CFAP61: variants seen among roughly 807,000 people sequenced by gnomAD.
The protein encoded by CFAP61 is cilia and flagella associated protein 61, also known as cilia- and flagella-associated protein 61.
A neutral mutation model predicts 135.6 loss-of-function variants in CFAP61; 107 were observed. The ratio of observed to expected loss-of-function variants is 0.79; its 90% CI spans 0.67 to 0.93. The LOEUF (loss-of-function observed/expected upper bound fraction) is 0.93, where lower values mean the gene tolerates loss of function less well. Ranked by LOEUF, CFAP61 falls within the 40% of genes least tolerant of loss-of-function variation. The probability of loss-of-function intolerance (pLI) is 0.00; values close to 1 mark genes in which losing one functional copy is unlikely to be tolerated. For synonymous variants in CFAP61, 575 were observed against 578.5 expected, an observed-to-expected ratio of 0.99 and a Z score of 0.09; for missense variants, 1,507 against 1,556.2, an observed-to-expected ratio of 0.97 and a Z score of 0.53.
At chr20:20,233,355 G>A (rs150618066) in intron 18 of CFAP61, among the ~76,000 whole-genome samples, 3 of 152,296 alleles carry the variant, frequency 2.0e-5, no homozygotes, top group Non-Finnish European at 2.9e-5. Flanking sequence ...CCGTCCTGTC[G>A]GTCTCTGCAC....
intron 13 of CFAP61, among the ~76,000 whole-genome samples, chr20:20,174,019 C>G (rs536534584): frequency 1.3e-5 from 2 of 152,244 alleles, no homozygotes; most frequent in Admixed American, 1.3e-4. Context: ...CCACACTTGT[C>G]TGGGAATTAG....
chr20:20,161,258 G>A (rs986970291), intron 10 of CFAP61, among the ~76,000 whole-genome samples: 45 of 152,042 alleles, frequency 3.0e-4, no homozygotes, highest in Admixed American at 2.9e-3. Context: ...GTGGTTGGAG[G>A]GACAGGATGC....
At chr20:20,123,584 A>G (rs1323551336) in intron 8 of CFAP61, among the ~76,000 whole-genome samples, 2 of 151,592 alleles carry the variant, frequency 1.3e-5, no homozygotes, top group Non-Finnish European at 2.9e-5. Flanking sequence ...TGGGTTCTCT[A>G]TTCTGTTCCA....
intron 25 of CFAP61, chr20:20,323,305 C>A (rs1026990805): frequency 4.1e-6 from 4 of 985,218 alleles, no homozygotes; most frequent in Non-Finnish European, 4.8e-6. Context: ...AATTTTCAGG[C>A]CTTCAAAAGA....
At chr20:20,351,344 G>A (rs753301611) in intron 26 of CFAP61, among the ~76,000 whole-genome samples, 25 of 152,238 alleles carry the variant, frequency 1.6e-4, no homozygotes, top group South Asian at 2.1e-4. Flanking sequence ...ACCTTGAGAG[G>A]CCAAGGCGGG....
At chr20:20,322,722 G>A in intron 25 of CFAP61, 2 of 985,388 alleles carry the variant, frequency 2.0e-6, no homozygotes, top group Non-Finnish European at 2.4e-6. Context: ...TCTTCCTTCT[G>A]TGGCCTCTCG....
intron 17 of CFAP61, 46 bp from the exon 18 acceptor site, chr20:20,228,203 C>A: frequency 1.3e-6 from 2 of 1,574,224 alleles, no homozygotes; most frequent in Admixed American, 1.7e-5. Flanking sequence ...ATGAACACTG[C>A]TACGTTTTCT....
intron 6 of CFAP61, among the ~76,000 whole-genome samples, chr20:20,081,690 CTT>C (rs997446221): frequency 4.6e-5 from 7 of 152,102 alleles, no homozygotes; most frequent in Non-Finnish European, 7.4e-5. Flanking sequence ...CTCTTGAAAA[CTT>C]GAGTGCTATG....
chr20:20,092,753 G>A (rs914431278), intron 7 of CFAP61, among the ~76,000 whole-genome samples: 27 of 152,160 alleles, frequency 1.8e-4, no homozygotes, highest in Non-Finnish European at 3.2e-4. Flanking sequence ...AACATCATTA[G>A]TCATTAAGGA....
chr20:20,129,000 A>G (rs2077319241), intron 8 of CFAP61, among the ~76,000 whole-genome samples: 1 of 151,490 alleles, frequency 6.6e-6, no homozygotes, highest in South Asian at 2.1e-4. Flanking sequence ...AACTATTATT[A>G]TAATTGTTAT....
intron 13 of CFAP61, among the ~76,000 whole-genome samples, chr20:20,181,203 ATGTATATATACATATG>A (rs2055054950): frequency 1.4e-5 from 2 of 138,290 alleles, no homozygotes; most frequent in South Asian, 2.4e-4. Context: ...ATGTATATAT[ATGTATATATACATATG>A]TGTATATATA....
chr20:20,358,564 C>A (rs982273215), intron 26 of CFAP61, among the ~76,000 whole-genome samples: 3 of 152,128 alleles, frequency 2.0e-5, no homozygotes, highest in African/African-American at 2.4e-5. Flanking sequence ...ATCCACGAGG[C>A]CTTACTGGTG....
At chr20:20,352,546 A>G (rs1569326674) in intron 26 of CFAP61, among the ~76,000 whole-genome samples, 1 of 152,240 alleles carries the variant, frequency 6.6e-6, no homozygotes, top group African/African-American at 2.4e-5. Context: ...TTTACAGGCA[A>G]TTGATTTTTG....
intron 8 of CFAP61, among the ~76,000 whole-genome samples, chr20:20,118,701 G>T (rs1179365710): frequency 1.3e-5 from 2 of 152,098 alleles, no homozygotes; most frequent in African/African-American, 4.8e-5. Context: ...AAGGGATGCT[G>T]ACTTTTATTG....
intron 21 of CFAP61, among the ~76,000 whole-genome samples, chr20:20,264,727 A>C (rs1403430276): frequency 1.3e-5 from 2 of 152,116 alleles, no homozygotes; most frequent in Non-Finnish European, 2.9e-5. Flanking sequence ...CCCCACCTCT[A>C]CAAAAAATAC....
intron 17 of CFAP61, among the ~76,000 whole-genome samples, chr20:20,208,565 G>A (rs2056962106): frequency 1.3e-5 from 2 of 152,148 alleles, no homozygotes; most frequent in African/African-American, 4.8e-5. Context: ...AGTATTTAGT[G>A]TTTTCTCTTT....
At chr20:20,182,957 C>A (rs1244220568) in intron 13 of CFAP61, among the ~76,000 whole-genome samples, 1 of 152,188 alleles carries the variant, frequency 6.6e-6, no homozygotes, top group African/African-American at 2.4e-5. Context: ...CACCCTTTAT[C>A]CAGAAAAGGA....
At chr20:20,280,993 A>G (rs1210554092) in intron 22 of CFAP61, among the ~76,000 whole-genome samples, 2 of 152,040 alleles carry the variant, frequency 1.3e-5, no homozygotes, top group African/African-American at 4.8e-5. Context: ...TCGTTTTTTT[A>G]GTAGCCATTA....
chr20:20,250,650 A>G (rs945602684), intron 19 of CFAP61, among the ~76,000 whole-genome samples: 4 of 152,230 alleles, frequency 2.6e-5, no homozygotes, highest in Admixed American at 2.6e-4. Context: ...GAAAAAAGGA[A>G]GAAAAGAATC....
Sources: allele counts gnomAD v4.1 joint callset (sites outside exome capture counted in the v4.1 genomes callset), GRCh38; gene constraint gnomAD v4.1.1; transcripts MANE v1.5; gene names NCBI Gene and HGNC (gene_info 2026-07-23, HGNC 2026-07-21).